Variants in ZC3H3 observed in about 807,000 individuals in gnomAD.
ZC3H3 encodes zinc finger CCCH domain-containing protein 3.
Under a neutral mutation model 77.3 loss-of-function variants are expected in ZC3H3, and 36 were observed. That is an observed-to-expected ratio of 0.47 (90% CI 0.36 to 0.61). ZC3H3 has a LOEUF of 0.61. Ranked by LOEUF, ZC3H3 falls within the 20% of genes least tolerant of loss-of-function variation. The pLI, the probability that ZC3H3 is intolerant of heterozygous loss-of-function variation, is 0.00. For synonymous variants in ZC3H3, 626 were observed against 555.2 expected, an observed-to-expected ratio of 1.13 and a Z score of -1.79; for missense variants, 1,331 against 1,312.2, an observed-to-expected ratio of 1.01 and a Z score of -0.22.
At position 143,538,194 on chromosome 8, in the gene ZC3H3, G is replaced by A. The variant is rs750035882; in HGVS notation, c.1173C>T (p.Ser391=). The change falls in exon 2 of 12, where the codon TCC becomes TCT. Residue 391 remains serine (S), a synonymous_variant. Transcript: ENST00000262577. ...ASSPSASSSS[S]FRWQSEASSK... ...TGCTGGCCTCCGACTGCCAACGGAAGGAGGAAGAGGAGGAGGCAGAGGGGC... is the reference window on the plus strand; with the variant it reads ...TGCTGGCCTCCGACTGCCAACGGAAAGAGGAAGAGGAGGAGGCAGAGGGGC... 2.5e-6 allele frequency: 4 copies of A among 1,612,840 alleles called. No individual in the cohort carries two copies. In the East Asian group the frequency reaches 6.7e-5, roughly 27 times the overall value.
At chr8:143,449,013 T>A (rs1285384339) in intron 9 of ZC3H3, among the ~76,000 whole-genome samples, 1 of 152,234 alleles carries the variant, frequency 6.6e-6, no homozygotes, top group Admixed American at 6.5e-5. Context: ...TTGGCCCCTT[T>A]GAGCCACAGC....
chr8:143,508,376 G>A (rs77278357), intron 3 of ZC3H3, among the ~76,000 whole-genome samples: 2 of 152,334 alleles, frequency 1.3e-5, no homozygotes, highest in African/African-American at 4.8e-5. Flanking sequence ...GGGGAGGGGC[G>A]CTGGAGCACT....
chr8:143,441,345 G>T (rs1819737308), intron 9 of ZC3H3, among the ~76,000 whole-genome samples: 1 of 152,216 alleles, frequency 6.6e-6, no homozygotes, highest in Admixed American at 6.5e-5. Flanking sequence ...CCAACTGTAG[G>T]CCCTGGGCAC....
In ZC3H3 at chr8:143,462,464, A is replaced by T. The variant is rs1354541591; in HGVS notation, c.2307+3253T>A. ...AGGGCAGCACTGGCGAAAGCAAGGC[A>T]CCAACAGAGAAGCGCTGTATGTGAA... is the stretch of plus-strand genomic sequence containing the variant. On this transcript the variant is annotated intron_variant, in intron 9 of 11. Coordinates refer to ENST00000262577, the MANE Select transcript of ZC3H3 (RefSeq NM_015117.3). This position sits in a 1 kb window ranked among gnomAD's most constrained non-coding sequence, Gnocchi z 4.7. 2.6e-5 allele frequency among the ~76,000 whole-genome samples: 4 copies of T among 152,236 alleles called. No individual in the cohort carries two copies. Among genetic ancestry groups the T allele is most frequent in the Non-Finnish European group, 5.9e-5 (4 of 68,048 alleles).
intron 3 of ZC3H3, among the ~76,000 whole-genome samples, chr8:143,526,325 G>A (rs937469506): frequency 2.6e-5 from 4 of 152,234 alleles, no homozygotes; most frequent in Non-Finnish European, 4.4e-5. Flanking sequence ...GCAAGGGCAG[G>A]GCCAGTTCTG....
chr8:143,467,427 C>A (rs772523008), intron 8 of ZC3H3, among the ~76,000 whole-genome samples: 17 of 152,166 alleles, frequency 1.1e-4, no homozygotes, highest in Non-Finnish European at 2.5e-4. Flanking sequence ...ACCCGAAACT[C>A]GATGTGAATT....
chr8:143,469,425 T>C (rs1586894676), intron 5 of ZC3H3, among the ~76,000 whole-genome samples: 1 of 151,996 alleles, frequency 6.6e-6, no homozygotes, highest in Non-Finnish European at 1.5e-5. Flanking sequence ...GCTGTGGAGG[T>C]CTGGGGGAAG....
chr8:143,440,940 GC>G lies in ZC3H3; in HGVS notation c.2487del (p.Arg831GlyfsTer68). ...CAGTGCCCACTGCCCCATCACCTGGGCCCGTGGCTGGCCGAGACCCTGCTCC... is the reference window on the plus strand; with the variant it reads ...CAGTGCCCACTGCCCCATCACCTGGGCCGTGGCTGGCCGAGACCCTGCTCC... ...TARSRVSASH[G>X]PRKPSASQRP... On this transcript the variant is annotated frameshift_variant, in exon 10 of 12. Coordinates refer to ENST00000262577, the MANE Select transcript of ZC3H3 (RefSeq NM_015117.3). LOFTEE classifies it high-confidence loss of function. 1 of 1,428,152 alleles carries G rather than the reference GC, an allele frequency of 7.0e-7. No individual in the cohort carries two copies. 88.5% of individuals were successfully genotyped at this position (1,428,152 alleles called of 1,614,324 possible).
chr8:143,471,323 AG>A (rs1820557213), intron 5 of ZC3H3, among the ~76,000 whole-genome samples: 1 of 152,212 alleles, frequency 6.6e-6, no homozygotes, highest in Admixed American at 6.5e-5. Flanking sequence ...CAGAAGAGGC[AG>A]TGTGGGGCGG....
At chr8:143,451,889 G>A (rs949725711) in intron 9 of ZC3H3, among the ~76,000 whole-genome samples, 7 of 152,144 alleles carry the variant, frequency 4.6e-5, no homozygotes, top group Admixed American at 6.5e-5. Flanking sequence ...TGTACTTCCC[G>A]CTAAGTGCCA....
At chr8:143,503,781 G>GC (rs1821605508) in intron 4 of ZC3H3, among the ~76,000 whole-genome samples, 1 of 147,632 alleles carries the variant, frequency 6.8e-6, no homozygotes, top group Non-Finnish European at 1.5e-5. Flanking sequence ...GCCATCTCCC[G>GC]ACCACCTACC....
chr8:143,506,613 TA>T (rs1821704779), intron 4 of ZC3H3, among the ~76,000 whole-genome samples: 1 of 152,198 alleles, frequency 6.6e-6, no homozygotes, highest in Non-Finnish European at 1.5e-5. Context: ...TAAATCTATT[TA>T]AAACAAAAAT....
At position 143,524,011 on chromosome 8, in the gene ZC3H3, G is replaced by A. The variant is rs377050240; in HGVS notation, c.1561+12246C>T. Among the ~76,000 whole-genome samples the A allele has an allele frequency of 3.8e-3, 586 of 152,352 alleles. 3 individuals carry two copies. The highest frequency in any genetic ancestry group is 0.013 in the African/African-American group (537 of 41,578). ...AGTCTCCCAGACACAGCTAGCCAGCGGGGGAGGGCGCAAGCCTGGAACAGA... is the reference window on the plus strand; with the variant it reads ...AGTCTCCCAGACACAGCTAGCCAGCAGGGGAGGGCGCAAGCCTGGAACAGA... On this transcript the variant is annotated intron_variant, in intron 3 of 11. Coordinates refer to ENST00000262577, the MANE Select transcript of ZC3H3 (RefSeq NM_015117.3).
chr8:143,439,895 A>G (rs62521893), intron 11 of ZC3H3, 146 bp downstream of exon 11: 5,783 of 187,018 alleles, frequency 0.031, 555 homozygotes, highest in African/African-American at 0.24. Context: ...TTGGTGAGGG[A>G]GGCCCTGGGG....
intron 5 of ZC3H3, among the ~76,000 whole-genome samples, chr8:143,473,151 C>T (rs1283820559): frequency 6.6e-6 from 1 of 152,182 alleles, no homozygotes; most frequent in Non-Finnish European, 1.5e-5. Flanking sequence ...CTACCGGGAG[C>T]TTTCTGAATG....
At chr8:143,502,806 C>G (rs768485377) in intron 4 of ZC3H3, among the ~76,000 whole-genome samples, 1 of 152,200 alleles carries the variant, frequency 6.6e-6, no homozygotes, top group Non-Finnish European at 1.5e-5. Flanking sequence ...AGAGCCTCAG[C>G]CTTCAGGGTG....
chr8:143,526,692 A>G (rs1234760153), intron 3 of ZC3H3, among the ~76,000 whole-genome samples: 1 of 152,116 alleles, frequency 6.6e-6, no homozygotes, highest in East Asian at 1.9e-4. Flanking sequence ...AGAAGGCTAC[A>G]GCCCCAGCAG....
rs139382486 is a variant in ZC3H3 at position 143,462,193 on chromosome 8, G to A, written c.2307+3524C>T. Among the ~76,000 whole-genome samples the A allele has an allele frequency of 2.3e-3, 356 of 152,238 alleles. 1 individual carries two copies. Among genetic ancestry groups the A allele is most frequent in the African/African-American group, 8.0e-3 (331 of 41,536 alleles). On this transcript the variant is annotated intron_variant, in intron 9 of 11. Transcript: ENST00000262577. This position sits in a 1 kb window ranked among gnomAD's most constrained non-coding sequence, Gnocchi z 4.7. Reference sequence around the variant, plus strand: ...CTGTGGCCCCCTGAAGAGTCGCCACGACCCTCTGAGATAGGCAGTGCCGTT... The same window carrying A: ...CTGTGGCCCCCTGAAGAGTCGCCACAACCCTCTGAGATAGGCAGTGCCGTT...
intron 9 of ZC3H3, among the ~76,000 whole-genome samples, chr8:143,445,384 GA>G (rs553654651): frequency 0.19 from 3,728 of 19,204 alleles, 157 homozygotes; most frequent in African/African-American, 0.37. Flanking sequence ...TTTGTCTTAA[GA>G]AAAAAAAAAA....
Sources: allele counts gnomAD v4.1 joint callset (sites outside exome capture counted in the v4.1 genomes callset), GRCh38; gene constraint gnomAD v4.1.1; non-coding constraint Gnocchi (gnomAD v3.1); transcripts MANE v1.5; gene names NCBI Gene and HGNC (gene_info 2026-07-23, HGNC 2026-07-21).